Variants in ECRG4 observed in about 807,000 individuals in gnomAD.
The protein encoded by ECRG4 is augurin.
A neutral mutation model predicts 15.8 loss-of-function variants in ECRG4; 18 were observed. That is an observed-to-expected ratio of 1.14 (90% CI 0.79 to 1.69). The LOEUF (loss-of-function observed/expected upper bound fraction) is 1.69. Among genes scored for constraint, ECRG4 ranks in the 40% most tolerant of loss-of-function variants. ECRG4 has a pLI of 0.00. For synonymous variants in ECRG4, 82 were observed against 73.9 expected (o/e 1.11, Z -0.56); for missense variants, 200 against 190.9 (o/e 1.05, Z -0.28).
At chr2:106,066,429 A>G (rs1337694665) in intron 1 of ECRG4, among the ~76,000 whole-genome samples, 1 of 152,200 alleles carries the variant, frequency 6.6e-6, no homozygotes, top group African/African-American at 2.4e-5. Context: ...GCTCTCTGTA[A>G]AACGTGCATT....
intron 1 of ECRG4, among the ~76,000 whole-genome samples, chr2:106,069,236 CTT>C (rs1219441264): frequency 1.6e-5 from 2 of 122,610 alleles, no homozygotes; most frequent in Non-Finnish European, 3.4e-5. Context: ...TTCCTTCTTT[CTT>C]TTCTTTCTTT....
At chr2:106,070,244 A>G (rs1278887508) in intron 1 of ECRG4, among the ~76,000 whole-genome samples, 1 of 152,234 alleles carries the variant, frequency 6.6e-6, no homozygotes, top group African/African-American at 2.4e-5. Context: ...ACAACCAGAA[A>G]GTGTGGCCAC....
At chr2:106,071,322 T>TAAAAAAAAAAAAAAAAAAAAA (rs10649647) in intron 1 of ECRG4, among the ~76,000 whole-genome samples, 38 of 78,330 alleles carry the variant, frequency 4.9e-4, no homozygotes, top group Non-Finnish European at 5.8e-4. Context: ...GGTAAGGCTG[T>TAAAAAAAAAAAAAAAAAAAAA]AAAAAAAAAA....
intron 3 of ECRG4, among the ~76,000 whole-genome samples, chr2:106,074,980 T>C (rs915456212): frequency 6.6e-6 from 1 of 152,252 alleles, no homozygotes; most frequent in Non-Finnish European, 1.5e-5. Context: ...TTTCCAACCA[T>C]TGGACATATT....
At chr2:106,067,911 T>C in intron 1 of ECRG4, among the ~76,000 whole-genome samples, 1 of 151,800 alleles carries the variant, frequency 6.6e-6, no homozygotes, top group East Asian at 1.9e-4. Context: ...CATAGCTCAC[T>C]GCAGCCTTGA....
chr2:106,067,039 A>G (rs978978492), intron 1 of ECRG4, among the ~76,000 whole-genome samples: 1 of 93,306 alleles, frequency 1.1e-5, no homozygotes, highest in Non-Finnish European at 2.0e-5. Context: ...CATACCTGTA[A>G]TCCCAGCACT....
chr2:106,074,170 C>A, intron 3 of ECRG4, 127 bp downstream of exon 3: 1 of 1,094,918 alleles, frequency 9.1e-7, no homozygotes, highest in Non-Finnish European at 1.3e-6. Context: ...AGAGCCCCAT[C>A]ATATGCCAAG....
chr2:106,065,650 G>A, upstream of ECRG4: 1 of 735,924 alleles, frequency 1.4e-6, no homozygotes, highest in Non-Finnish European at 2.0e-6. Context: ...CCCCGGCAGC[G>A]ACGCAGGGAT....
At chr2:106,074,467 T>A (rs991284142) in intron 3 of ECRG4, among the ~76,000 whole-genome samples, 3 of 152,214 alleles carry the variant, frequency 2.0e-5, no homozygotes, top group African/African-American at 4.8e-5. Flanking sequence ...TGAAAAGAGA[T>A]GAAAAGGGAC....
In ECRG4 at chr2:106,071,339, AAAAAAAAAAAAAAG is replaced by A. The variant is rs1263844271; in HGVS notation, c.80-501_80-488del. ...TAAGGCTGTAAAAAAAAAAAAAAAA[AAAAAAAAAAAAAAG>A]AAAGAAAGAAAAGAAAAGAAAATAA... On this transcript the variant is annotated intron_variant, in intron 1 of 3. Transcript: ENST00000238044. Among the ~76,000 whole-genome samples, 1,214 of 119,080 alleles carry A rather than the reference AAAAAAAAAAAAAAG, an allele frequency of 0.01. 44 individuals are homozygous for A. In the East Asian group the frequency reaches 0.18, roughly 18 times the overall value. 78.1% of individuals were successfully genotyped at this position (119,080 alleles called of 152,430 possible).
At chr2:106,069,446 G>T (rs1456904704) in intron 1 of ECRG4, among the ~76,000 whole-genome samples, 1 of 151,358 alleles carries the variant, frequency 6.6e-6, no homozygotes, top group Non-Finnish European at 1.5e-5. Context: ...CGATTCTCCT[G>T]CCTCAGCCTC....
At chr2:106,075,519 C>T (rs751666703) in intron 3 of ECRG4, among the ~76,000 whole-genome samples, 6 of 151,964 alleles carry the variant, frequency 3.9e-5, no homozygotes, top group Non-Finnish European at 7.4e-5. Context: ...GTCAGGAGTT[C>T]AAGACCAGCC....
In ECRG4 at chr2:106,077,425, T is replaced by A. The variant is rs149776806; in HGVS notation, c.286-340T>A. Among the ~76,000 whole-genome samples the A allele has an allele frequency of 1.3e-3, 194 of 152,312 alleles. No homozygotes were observed. The Middle Eastern group carries it at 0.034, about 27-fold the overall frequency. On this transcript the variant is annotated intron_variant, in intron 3 of 3. Transcript: ENST00000238044. ...CAGTGTTTGCCACAGTGAGATGTGG[T>A]CTGAGGGTCAGGCCAAGTTGTTATG...
At chr2:106,065,259 G>A (rs1306887640), upstream of ECRG4, among the ~76,000 whole-genome samples, 1 of 152,100 alleles carries the variant, frequency 6.6e-6, no homozygotes, top group Non-Finnish European at 1.5e-5. Context: ...GAAGAAAGGG[G>A]TGAGGAGTAA....
chr2:106,074,709 G>A (rs374977642), intron 3 of ECRG4, among the ~76,000 whole-genome samples: 14 of 152,212 alleles, frequency 9.2e-5, no homozygotes, highest in African/African-American at 3.4e-4. Context: ...CATGGTGACT[G>A]AGGAGGCTGA....
intron 1 of ECRG4, among the ~76,000 whole-genome samples, chr2:106,068,938 C>T (rs1676281307): frequency 6.6e-6 from 1 of 152,180 alleles, no homozygotes; most frequent in Non-Finnish European, 1.5e-5. Flanking sequence ...TGCTCAGACG[C>T]CTCCAGCAAC....
At chr2:106,065,286 G>C (rs552135133), upstream of ECRG4, among the ~76,000 whole-genome samples, 43 of 152,102 alleles carry the variant, frequency 2.8e-4, no homozygotes, top group African/African-American at 1.0e-3. Flanking sequence ...CAGTGGCGCG[G>C]CTGGGGCGGG....
chr2:106,078,041 T>A lies in ECRG4; in HGVS notation c.*115T>A. On this transcript the variant is annotated 3_prime_UTR_variant, in exon 4 of 4. Coordinates refer to ENST00000238044, the MANE Select transcript of ECRG4 (RefSeq NM_032411.3). ...TCTATTTCAGCAGATCTTTTCTACC[T>A]ACTTTGTGTGATCAAAAAAGAAGAG... is the stretch of plus-strand genomic sequence containing the variant. 2 of 973,664 alleles carry A rather than the reference T, an allele frequency of 2.1e-6. No individual in the cohort carries two copies. Among genetic ancestry groups the A allele is most frequent in the Non-Finnish European group, 2.9e-6 (2 of 700,788 alleles). The allele number at this position is 973,664 out of a possible 1,614,324, so 60.3% of individuals were successfully genotyped here.
rs753757755 is a variant in ECRG4, at chr2:106,073,931, C to T, written c.173C>T (p.Ala58Val). 4 of 1,614,222 alleles carry T rather than the reference C, an allele frequency of 2.5e-6. No homozygotes were observed. Among genetic ancestry groups the T allele is most frequent in the Admixed American group, 1.7e-5 (1 of 60,030 alleles). Residue 58 changes from alanine (A) to valine (V), a missense_variant, in exon 3 of 4, where the codon GCC becomes GTC. Coordinates refer to ENST00000238044, the MANE Select transcript of ECRG4 (RefSeq NM_032411.3). ...KTKVAVDENK[A>V]KEFLGSLKRQ... The stretch of plus-strand genomic sequence containing the variant: ...AAAGTGGCCGTTGATGAGAATAAAG[C>T]CAAAGAATTCCTTGGCAGCCTGAAG...
Sources: gnomAD v4.1 joint callset for allele counts (sites outside exome capture counted in the v4.1 genomes callset) on GRCh38, gnomAD v4.1.1 for gene constraint, MANE v1.5 for transcripts, NCBI Gene and HGNC (gene_info 2026-07-23, HGNC 2026-07-21) for gene names.